SGCD: variants seen among roughly 807,000 people sequenced by gnomAD.
The protein encoded by SGCD is delta-sarcoglycan.
In SGCD, 18 loss-of-function variants were observed where a neutral mutation model predicts 36.6. The ratio of observed to expected loss-of-function variants is 0.49; its 90% CI spans 0.34 to 0.73. The LOEUF is 0.73. Ranked by LOEUF, SGCD falls within the 30% of genes least tolerant of loss-of-function variation. SGCD has a pLI of 0.01. For missense variants in SGCD, 387 were observed against 346.7 expected (o/e 1.12, Z -0.92); for synonymous variants, 133 against 130.6 (o/e 1.02, Z -0.12).
intron 1 of SGCD, among the ~76,000 whole-genome samples, chr5:155,958,730 C>T (rs147437005): frequency 7.9e-4 from 120 of 152,272 alleles, no homozygotes; most frequent in African/African-American, 2.7e-3. Flanking sequence ...CCAAGCTTCG[C>T]TTTCTTCATC....
intron 3 of SGCD, among the ~76,000 whole-genome samples, chr5:156,288,956 CAGAA>C (rs1766687694): frequency 6.6e-6 from 1 of 152,062 alleles, no homozygotes; most frequent in Non-Finnish European, 1.5e-5. Flanking sequence ...CCTCCTAGCA[CAGAA>C]ATGGGCACAT....
At chr5:156,074,675 A>G (rs1431164007) in intron 1 of SGCD, among the ~76,000 whole-genome samples, 1 of 152,152 alleles carries the variant, frequency 6.6e-6, no homozygotes, top group Non-Finnish European at 1.5e-5. Flanking sequence ...GCGAGAATCC[A>G]TCTCAAAAAA....
intron 3 of SGCD, among the ~76,000 whole-genome samples, chr5:156,437,501 A>G (rs1370171042): frequency 2.0e-5 from 3 of 152,184 alleles, no homozygotes; most frequent in Admixed American, 2.0e-4. Context: ...CAGATGGCAC[A>G]AAGGATGCTA....
chr5:156,592,697 C>T (rs754569776), intron 5 of SGCD, among the ~76,000 whole-genome samples: 1 of 152,092 alleles, frequency 6.6e-6, no homozygotes, highest in African/African-American at 2.4e-5. Context: ...CCGCCTTGCC[C>T]CCATTTGTTC....
intron 1 of SGCD, among the ~76,000 whole-genome samples, chr5:156,085,737 A>G (rs900550100): frequency 6.6e-6 from 1 of 152,222 alleles, no homozygotes; most frequent in Non-Finnish European, 1.5e-5. Context: ...CAGTGACACT[A>G]TCTGGGCCTG....
intron 4 of SGCD, among the ~76,000 whole-genome samples, chr5:156,572,501 T>TTTGTTG (rs1297200636): frequency 6.6e-6 from 1 of 152,056 alleles, no homozygotes; most frequent in Non-Finnish European, 1.5e-5. Flanking sequence ...CGGGTTTCCA[T>TTTGTTG]TTGTTGTTGT....
chr5:155,734,336 C>A, the SGCD span, among the ~76,000 whole-genome samples: 1 of 151,840 alleles, frequency 6.6e-6, no homozygotes, highest in African/African-American at 2.4e-5. Flanking sequence ...TTCCGAGTAT[C>A]TGGGATTACA....
At chr5:156,072,536 C>T (rs1389175947) in intron 1 of SGCD, among the ~76,000 whole-genome samples, 1 of 151,646 alleles carries the variant, frequency 6.6e-6, no homozygotes, top group Non-Finnish European at 1.5e-5. Flanking sequence ...GAGGGTAACC[C>T]GACCTTTCTC....
intron 7 of SGCD, among the ~76,000 whole-genome samples, chr5:156,668,729 G>C (rs570212593): frequency 1.5e-4 from 23 of 152,322 alleles, no homozygotes; most frequent in African/African-American, 4.6e-4. Context: ...GAAGTTGAAA[G>C]CCCATCTCTT....
intron 2 of SGCD, among the ~76,000 whole-genome samples, chr5:156,118,817 T>C (rs746058035): frequency 5.3e-5 from 8 of 152,148 alleles, no homozygotes; most frequent in Non-Finnish European, 1.0e-4. Flanking sequence ...AATCCAGCAG[T>C]ACAGATTTTA....
At chr5:156,513,176 A>T (rs540734355) in intron 4 of SGCD, among the ~76,000 whole-genome samples, 2 of 152,334 alleles carry the variant, frequency 1.3e-5, no homozygotes, top group South Asian at 4.1e-4. Flanking sequence ...ATGATGATTT[A>T]GTCCACAGGG....
At chr5:156,163,798 A>G (rs968872947) in intron 3 of SGCD, among the ~76,000 whole-genome samples, 1 of 151,438 alleles carries the variant, frequency 6.6e-6, no homozygotes, top group Admixed American at 6.6e-5. Flanking sequence ...AGGCGGGTGG[A>G]TCACAAGGTC....
chr5:156,607,657 C>T (rs11955254), intron 6 of SGCD, among the ~76,000 whole-genome samples: 5,415 of 152,138 alleles, frequency 0.036, 323 homozygotes, highest in African/African-American at 0.12. Flanking sequence ...TAGAATTGGG[C>T]TGTGAATCCA....
chr5:156,224,768 T>C (rs1764807210), intron 3 of SGCD, among the ~76,000 whole-genome samples: 1 of 152,154 alleles, frequency 6.6e-6, no homozygotes, highest in Admixed American at 6.6e-5. Flanking sequence ...AAAGGCCACA[T>C]GCCTTTGTCT....
At chr5:156,478,130 A>G (rs527911845) in intron 3 of SGCD, among the ~76,000 whole-genome samples, 1 of 152,252 alleles carries the variant, frequency 6.6e-6, no homozygotes, top group East Asian at 1.9e-4. Context: ...AGTAGAAATA[A>G]TGGTTCCTAC....
In SGCD at chr5:156,690,229, A is replaced by G. The variant is rs761340127; in HGVS notation, c.575+42693A>G. ...GGAGGAAGGAAACTTGCCTAGAATTATGGAGTTAGGAAAGAATAGAGCTGA... is the reference window on the plus strand; with the variant it reads ...GGAGGAAGGAAACTTGCCTAGAATTGTGGAGTTAGGAAAGAATAGAGCTGA... On this transcript the variant is annotated intron_variant, in intron 7 of 8. Transcript: ENST00000337851. Among the ~76,000 whole-genome samples, 8 of 152,214 alleles carry G rather than the reference A, an allele frequency of 5.3e-5. No homozygotes were observed. In the South Asian group the frequency reaches 1.0e-3, roughly 20 times the overall value.
At chr5:155,802,264 A>G in the SGCD span, among the ~76,000 whole-genome samples, 1 of 152,232 alleles carries the variant, frequency 6.6e-6, no homozygotes, top group Non-Finnish European at 1.5e-5. Context: ...ATATGAGACC[A>G]CATAAATCCC....
At chr5:156,319,873 A>C (rs1386603695) in intron 3 of SGCD, among the ~76,000 whole-genome samples, 1 of 152,274 alleles carries the variant, frequency 6.6e-6, no homozygotes, top group Admixed American at 6.5e-5. Flanking sequence ...AAAATTATAT[A>C]AAGTTATTTT....
intron 3 of SGCD, among the ~76,000 whole-genome samples, chr5:156,346,947 A>G (rs988850549): frequency 6.6e-6 from 1 of 151,736 alleles, no homozygotes; most frequent in Non-Finnish European, 1.5e-5. Flanking sequence ...ACAGGTGCGC[A>G]CCACCACGCC....
Sources: allele counts gnomAD v4.1 joint callset (sites outside exome capture counted in the v4.1 genomes callset), GRCh38; gene constraint gnomAD v4.1.1; transcripts MANE v1.5; gene names NCBI Gene and HGNC (gene_info 2026-07-23, HGNC 2026-07-21).